The following SEMA5B variants were observed in gnomAD, a reference collection of about 807,000 sequenced individuals.
The protein encoded by SEMA5B is semaphorin 5B.
Under a neutral mutation model 135.0 loss-of-function variants are expected in SEMA5B, and 66 were observed. That is an observed-to-expected ratio of 0.49 (90% CI 0.40 to 0.60). SEMA5B has a LOEUF of 0.60. SEMA5B is among the 20% of genes least tolerant of loss of function. The pLI, the probability that SEMA5B is intolerant of heterozygous loss-of-function variation, is 0.00. For synonymous variants in SEMA5B, 690 were observed against 639.5 expected (o/e 1.08, Z -1.19); for missense variants, 1,501 against 1,566.3 (o/e 0.96, Z 0.70).
chr3:122,978,306 C>T lies in SEMA5B; in HGVS notation c.-38-17005G>A, dbSNP rs540110373. On this transcript the variant is annotated intron_variant, in intron 1 of 22. Transcript: ENST00000357599. ...CATGGCTCAGGAATCTCTGTGCAGTCGGTTGCCCCTGAAAAGAACCACTCA... is the reference window on the plus strand; with the variant it reads ...CATGGCTCAGGAATCTCTGTGCAGTTGGTTGCCCCTGAAAAGAACCACTCA... 9.2e-5 allele frequency among the ~76,000 whole-genome samples: 14 copies of T among 152,286 alleles called. No individual in the cohort carries two copies. The East Asian group carries it at 9.7e-4, about 11-fold the overall frequency.
At chr3:123,017,101 G>A (rs986119308) in intron 1 of SEMA5B, among the ~76,000 whole-genome samples, 3 of 151,760 alleles carry the variant, frequency 2.0e-5, no homozygotes, top group Admixed American at 6.6e-5. Flanking sequence ...CTGTTAGCCA[G>A]GATGGTCTTG....
At chr3:123,019,605 C>A (rs192598631) in intron 1 of SEMA5B, among the ~76,000 whole-genome samples, 1 of 152,182 alleles carries the variant, frequency 6.6e-6, no homozygotes, top group Non-Finnish European at 1.5e-5. Context: ...ATTAATAAAT[C>A]TTTTTTTAAA....
At chr3:122,927,396 T>C (rs988130340) in intron 8 of SEMA5B, among the ~76,000 whole-genome samples, 6 of 152,222 alleles carry the variant, frequency 3.9e-5, no homozygotes, top group Admixed American at 3.3e-4. Context: ...TCTTGCTATG[T>C]TGCCCACGCT....
intron 3 of SEMA5B, among the ~76,000 whole-genome samples, chr3:122,947,279 C>A (rs542351234): frequency 3.6e-4 from 55 of 152,272 alleles, no homozygotes; most frequent in South Asian, 2.9e-3. Context: ...TCCACTTAAG[C>A]CTTCAAAGCC....
At chr3:122,927,702 C>G (rs1196111431) in intron 8 of SEMA5B, 88 bp downstream of exon 8, 1 of 1,004,012 alleles carries the variant, frequency 1.0e-6, no homozygotes, top group African/African-American at 1.7e-5. Flanking sequence ...CAGAGGTTGG[C>G]AGGAAGGAGG....
intron 10 of SEMA5B, among the ~76,000 whole-genome samples, chr3:122,923,079 C>T (rs191146108): frequency 3.6e-3 from 553 of 152,270 alleles, no homozygotes; most frequent in Non-Finnish European, 6.3e-3. Context: ...CATCCCACCC[C>T]CTGGGTGGGA....
chr3:122,960,894 T>C (rs992602617), intron 2 of SEMA5B, among the ~76,000 whole-genome samples: 1 of 152,166 alleles, frequency 6.6e-6, no homozygotes, highest in Non-Finnish European at 1.5e-5. Flanking sequence ...TGGAGGGTGG[T>C]GATGGCTGCA....
intron 8 of SEMA5B, among the ~76,000 whole-genome samples, chr3:122,926,971 T>A (rs1938672521): frequency 6.6e-6 from 1 of 152,228 alleles, no homozygotes; most frequent in Non-Finnish European, 1.5e-5. Flanking sequence ...CCTATGATTA[T>A]CCCCATATTA....
chr3:122,922,119 G>A lies in SEMA5B; in HGVS notation c.1484C>T (p.Ser495Leu), dbSNP rs371380542. The change falls in exon 12 of 23, where the codon TCG becomes TTG. Residue 495 changes from serine (S) to leucine (L), a missense_variant. By Grantham distance (145) the Ser-to-Leu change is moderately radical. Coordinates refer to ENST00000357599, the MANE Select transcript of SEMA5B (RefSeq NM_001031702.4). ...LYHVLYIGTE[S>L]GTILKALSTA... The stretch of plus-strand genomic sequence containing the variant: ...GGACAGCGCCTTCAGGATGGTGCCC[G>A]ACTCTGGAGGAGAGGGGGAGCCAGA... The A allele has an allele frequency of 1.3e-6, 2 of 1,513,144 alleles. No individual in the cohort carries two copies. The highest frequency in any genetic ancestry group is 1.8e-6 in the Non-Finnish European group (2 of 1,125,210). The allele number at this position is 1,513,144 out of a possible 1,614,324, so 93.7% of individuals were successfully genotyped here. A position where few individuals can be genotyped will look rare whatever the true frequency, so the allele number is the denominator to read the frequency against.
At position 122,915,634 on chromosome 3, in the gene SEMA5B, A is replaced by G. The variant is rs780418404; in HGVS notation, c.1807-13T>C. ...TCACATTCCGCACCTGAAGACACAC[A>G]TGGGAGACAGTACCCCTATTACCCA... On this transcript the variant is annotated splice_polypyrimidine_tract_variant and intron_variant, in intron 13 of 22. Coordinates refer to ENST00000357599, the MANE Select transcript of SEMA5B (RefSeq NM_001031702.4). 50 of 1,607,390 alleles carry G rather than the reference A, an allele frequency of 3.1e-5. No homozygotes were observed. The South Asian group carries it at 4.5e-4, about 15-fold the overall frequency.
At chr3:122,934,300 C>T (rs996084089) in intron 5 of SEMA5B, among the ~76,000 whole-genome samples, 9 of 151,314 alleles carry the variant, frequency 5.9e-5, no homozygotes, top group African/African-American at 2.2e-4. Context: ...TGATTACTAA[C>T]ATCAAAAGAG....
At chr3:123,005,987 C>T (rs1266030197) in intron 1 of SEMA5B, among the ~76,000 whole-genome samples, 1 of 152,214 alleles carries the variant, frequency 6.6e-6, no homozygotes, top group African/African-American at 2.4e-5. Flanking sequence ...TCTGCAACCT[C>T]TCTGAGCCTC....
At chr3:122,957,407 T>C (rs1484080422) in intron 2 of SEMA5B, among the ~76,000 whole-genome samples, 1 of 152,152 alleles carries the variant, frequency 6.6e-6, no homozygotes, top group Non-Finnish European at 1.5e-5. Flanking sequence ...GAATGAGGGA[T>C]CAGGCTGGAA....
Position 122,954,194 on chromosome 3 carries a change from C to T in SEMA5B, c.125-5485G>A, listed in dbSNP as rs758929453. On this transcript the variant is annotated intron_variant, in intron 2 of 22. Coordinates refer to ENST00000357599, the MANE Select transcript of SEMA5B (RefSeq NM_001031702.4). ...TCAGCCTCCCAAAATGCTGGGATTA[C>T]AGGCATGAGCCTCTGTGCCCACCGT... is the stretch of plus-strand genomic sequence containing the variant. Among the ~76,000 whole-genome samples the T allele has an allele frequency of 3.9e-5, 6 of 152,312 alleles. 1 individual carries two copies. The Middle Eastern group carries it at 0.014, about 345-fold the overall frequency.
chr3:122,972,879 G>A (rs920530078), intron 1 of SEMA5B, among the ~76,000 whole-genome samples: 1 of 152,138 alleles, frequency 6.6e-6, no homozygotes, highest in Non-Finnish European at 1.5e-5. Flanking sequence ...TGGGAAGTTA[G>A]CCCAGGTCTG....
chr3:122,966,805 G>A (rs1055402603), intron 1 of SEMA5B, among the ~76,000 whole-genome samples: 112 of 149,934 alleles, frequency 7.5e-4, no homozygotes, highest in African/African-American at 1.0e-3. Context: ...TGATCTGCCC[G>A]CCTCGGCCTC....
intron 3 of SEMA5B, among the ~76,000 whole-genome samples, chr3:122,944,197 C>T (rs1018894130): frequency 6.6e-6 from 1 of 152,176 alleles, no homozygotes; most frequent in Admixed American, 6.5e-5. Flanking sequence ...AAGAATGATG[C>T]TTCACCTTTT....
At position 122,922,069 on chromosome 3, in the gene SEMA5B, A is replaced by C; in HGVS notation, c.1534T>G (p.Cys512Gly). The C allele has an allele frequency of 2.0e-6, 3 of 1,492,076 alleles. No individual in the cohort carries two copies. Among genetic ancestry groups the C allele is most frequent in the Non-Finnish European group, 2.7e-6 (3 of 1,119,304 alleles). The allele number at this position is 1,492,076 out of a possible 1,614,324, so 92.4% of individuals were successfully genotyped here. A position where few individuals can be genotyped will look rare whatever the true frequency, so the allele number is the denominator to read the frequency against. ...LSTASRSLHGCYLEELHVLPP... is the reference protein window; with the variant it reads ...LSTASRSLHGGYLEELHVLPP... ...AGCACGTGCAGCTCCTCCAGGTAGC[A>C]GCCGTGGAGGCTGCGGCTCGCCGTG... The change falls in exon 12 of 23, where the codon TGC becomes GGC. Residue 512 changes from cysteine to glycine, a missense_variant. Around this residue, in one of 2 missense-constraint regions of SEMA5B, gnomAD observed 927 missense variants for 881.6 expected, o/e 1.05. Coordinates refer to ENST00000357599, the MANE Select transcript of SEMA5B (RefSeq NM_001031702.4).
intron 1 of SEMA5B, among the ~76,000 whole-genome samples, chr3:122,989,841 G>A (rs952690771): frequency 5.9e-5 from 9 of 152,174 alleles, no homozygotes; most frequent in African/African-American, 2.2e-4. Context: ...AGAGGAGAAG[G>A]GTGAAGACTC....
Sources: gnomAD v4.1 joint callset for allele counts (sites outside exome capture counted in the v4.1 genomes callset) on GRCh38, gnomAD v4.1.1 for gene constraint, gnomAD v4.1.1 regional missense constraint, MANE v1.5 for transcripts, NCBI Gene and HGNC (gene_info 2026-07-23, HGNC 2026-07-21) for gene names.